PRKCB: variants seen among roughly 807,000 people sequenced by gnomAD.
The protein encoded by PRKCB is protein kinase C beta type.
A neutral mutation model predicts 81.5 loss-of-function variants in PRKCB; 13 were observed. The observed-to-expected ratio is 0.16, with a 90% CI of 0.10 to 0.25. The LOEUF is 0.25. Among genes scored for constraint, PRKCB ranks in the 10% least tolerant of loss-of-function variants. The probability of loss-of-function intolerance (pLI) is 1.00; values close to 1 mark genes in which losing one functional copy is unlikely to be tolerated. For missense variants in PRKCB, 509 were observed against 875.7 expected (o/e 0.58, Z 5.29); for synonymous variants, 335 against 321.4 (o/e 1.04, Z -0.45).
At chr16:23,876,582 GA>G (rs34911734) in intron 2 of PRKCB, among the ~76,000 whole-genome samples, 15,878 of 149,600 alleles carry the variant, frequency 0.11, 912 homozygotes, top group Middle Eastern at 0.19. Context: ...TTTTCTTTTT[GA>G]AAAAAAAAAA....
chr16:23,866,365 A>G (rs1962790617), intron 2 of PRKCB, among the ~76,000 whole-genome samples: 1 of 152,198 alleles, frequency 6.6e-6, no homozygotes, highest in Non-Finnish European at 1.5e-5. Context: ...CTGCTGTGTT[A>G]AAAAATTTAA....
intron 2 of PRKCB, among the ~76,000 whole-genome samples, chr16:23,946,203 G>C (rs746830630): frequency 5.3e-5 from 8 of 152,196 alleles, no homozygotes; most frequent in Non-Finnish European, 1.2e-4. Context: ...GTTAAGGGAA[G>C]AGTTACATAA....
intron 2 of PRKCB, among the ~76,000 whole-genome samples, chr16:23,984,990 A>G (rs1964784343): frequency 6.6e-6 from 1 of 152,246 alleles, no homozygotes; most frequent in Non-Finnish European, 1.5e-5. Context: ...GAAAACTCAA[A>G]GGAAGCAACT....
intron 15 of PRKCB, among the ~76,000 whole-genome samples, chr16:24,189,362 GGCGC>G (rs1967753444): frequency 6.6e-6 from 1 of 152,166 alleles, no homozygotes; most frequent in Non-Finnish European, 1.5e-5. Flanking sequence ...GTAGCAGCTC[GGCGC>G]GGTGGCTCTT....
chr16:23,908,368 C>G (rs1272766222), intron 2 of PRKCB, among the ~76,000 whole-genome samples: 8 of 151,942 alleles, frequency 5.3e-5, no homozygotes, highest in Admixed American at 5.2e-4. Flanking sequence ...GAGGGCAACT[C>G]CAGCAGATGA....
Position 24,158,541 on chromosome 16 carries a change from A to ATATGTATAAGTATATGTATATGTATAT in PRKCB, c.1239+3684_1239+3685insTATGTATAAGTATATGTATATGTATAT, listed in dbSNP as rs1567395933. Among the ~76,000 whole-genome samples the ATATGTATAAGTATATGTATATGTATAT allele has an allele frequency of 2.8e-4, 30 of 105,686 alleles. 1 individual carries two copies. The East Asian group carries it at 6.9e-3, about 24-fold the overall frequency. The allele number at this position is 105,686 out of a possible 152,430, so 69.3% of individuals were successfully genotyped here. Reference sequence around the variant, plus strand: ...TTTTAAAAAAACATGTATATGTATAAGTATATGTATATGTATATGTATATG... The same window carrying ATATGTATAAGTATATGTATATGTATAT: ...TTTTAAAAAAACATGTATATGTATAATATGTATAAGTATATGTATATGTATATGTATATGTATATGTATATGTATATG... On this transcript the variant is annotated intron_variant, in intron 10 of 16. Transcript: ENST00000643927.
chr16:23,939,957 A>G (rs548571448), intron 2 of PRKCB, among the ~76,000 whole-genome samples: 1 of 152,316 alleles, frequency 6.6e-6, no homozygotes, highest in Non-Finnish European at 1.5e-5. Context: ...TTATCTGACA[A>G]AGGACTATTA....
At chr16:23,942,992 G>C (rs758598520) in intron 2 of PRKCB, among the ~76,000 whole-genome samples, 1 of 152,110 alleles carries the variant, frequency 6.6e-6, no homozygotes, top group Non-Finnish European at 1.5e-5. Context: ...ACTCCCCTCC[G>C]GAGCATCCAG....
intron 2 of PRKCB, among the ~76,000 whole-genome samples, chr16:23,865,406 G>A (rs1962755172): frequency 7.4e-6 from 1 of 135,558 alleles, no homozygotes; most frequent in African/African-American, 2.8e-5. Context: ...GGGCTCAGGT[G>A]ATCCTCCCAC....
chr16:23,985,851 A>G (rs1567335206), intron 2 of PRKCB, among the ~76,000 whole-genome samples: 1 of 152,198 alleles, frequency 6.6e-6, no homozygotes, highest in Non-Finnish European at 1.5e-5. Flanking sequence ...TAAAGCCCAT[A>G]TTGCTATACT....
At chr16:24,120,516 C>T (rs1018342208) in intron 8 of PRKCB, among the ~76,000 whole-genome samples, 1 of 152,100 alleles carries the variant, frequency 6.6e-6, no homozygotes, top group East Asian at 1.9e-4. Flanking sequence ...CATCTCTGCC[C>T]ACCCTCTTCC....
chr16:23,971,876 G>A (rs1178950646), intron 2 of PRKCB, among the ~76,000 whole-genome samples: 1 of 152,066 alleles, frequency 6.6e-6, no homozygotes, highest in South Asian at 2.1e-4. Context: ...GTTAAACATA[G>A]AGTTACAGTA....
rs149555057 is a variant in PRKCB at position 24,089,243 on chromosome 16, G to C, written c.530-3548G>C. ...CATCACATGGAAATGTTTTAGAAAA[G>C]CATATGGACAGGTTTCACTGCAGAC... On this transcript the variant is annotated intron_variant, in intron 5 of 16. Transcript: ENST00000643927. Among the ~76,000 whole-genome samples the C allele has an allele frequency of 2.6e-3, 397 of 152,274 alleles. 3 individuals are homozygous for C. Among genetic ancestry groups the C allele is most frequent in the East Asian group, 0.019 (98 of 5,186 alleles).
chr16:23,977,528 G>A (rs1488947121), intron 2 of PRKCB, among the ~76,000 whole-genome samples: 1 of 152,054 alleles, frequency 6.6e-6, no homozygotes, highest in Non-Finnish European at 1.5e-5. Flanking sequence ...AAAACAGCAG[G>A]GATCTAGATA....
At chr16:23,873,337 C>T (rs1962943155) in intron 2 of PRKCB, among the ~76,000 whole-genome samples, 1 of 149,422 alleles carries the variant, frequency 6.7e-6, no homozygotes, top group Non-Finnish European at 1.5e-5. Context: ...CGTGCCATTG[C>T]ACTCCAGCCT....
intron 2 of PRKCB, among the ~76,000 whole-genome samples, chr16:23,914,147 A>G (rs1375639752): frequency 6.6e-6 from 1 of 152,150 alleles, no homozygotes; most frequent in East Asian, 1.9e-4. Flanking sequence ...AGCTGAGACT[A>G]CAGGCATGTG....
At chr16:24,064,028 G>A (rs1430778351) in intron 5 of PRKCB, among the ~76,000 whole-genome samples, 1 of 152,106 alleles carries the variant, frequency 6.6e-6, no homozygotes, top group Non-Finnish European at 1.5e-5. Context: ...TTTTTGTACA[G>A]TAACCCTCCC....
chr16:24,021,034 TTCTTTCTC>T (rs1567346743), intron 3 of PRKCB, among the ~76,000 whole-genome samples: 15 of 138,952 alleles, frequency 1.1e-4, no homozygotes, highest in African/African-American at 3.9e-4. Flanking sequence ...CTTTCTTTCT[TTCTTTCTC>T]TTTCTTTCTT....
chr16:24,049,298 G>A (rs1965810128), intron 5 of PRKCB, among the ~76,000 whole-genome samples: 1 of 151,268 alleles, frequency 6.6e-6, no homozygotes, highest in Non-Finnish European at 1.5e-5. Flanking sequence ...CACTACCCTG[G>A]CACATCCGGG....
Sources: gnomAD v4.1 joint callset for allele counts (sites outside exome capture counted in the v4.1 genomes callset) on GRCh38, gnomAD v4.1.1 for gene constraint, MANE v1.5 for transcripts, NCBI Gene and HGNC (gene_info 2026-07-23, HGNC 2026-07-21) for gene names.